BNIP2: variants seen among roughly 807,000 people sequenced by gnomAD.
The protein encoded by BNIP2 is BCL2 interacting protein 2.
Under a neutral mutation model 43.4 loss-of-function variants are expected in BNIP2, and 36 were observed. That is an observed-to-expected ratio of 0.83 (90% CI 0.64 to 1.10). BNIP2 has a LOEUF of 1.10. Among genes scored for constraint, BNIP2 ranks in the 50% least tolerant of loss-of-function variants. The pLI, the probability that BNIP2 is intolerant of heterozygous loss-of-function variation, is 0.00. For missense variants in BNIP2, 417 were observed against 374.1 expected, an observed-to-expected ratio of 1.11 and a Z score of -0.95; for synonymous variants, 146 against 121.0, an observed-to-expected ratio of 1.21 and a Z score of -1.35.
chr15:59,674,382 T>C (rs1235522577), intron 5 of BNIP2, among the ~76,000 whole-genome samples: 4 of 152,198 alleles, frequency 2.6e-5, no homozygotes, highest in Admixed American at 2.6e-4. Context: ...GTGGTCTTAT[T>C]TTCCCCTATA....
intron 1 of BNIP2, among the ~76,000 whole-genome samples, chr15:59,683,720 G>C (rs1893841758): frequency 6.6e-6 from 1 of 152,198 alleles, no homozygotes; most frequent in African/African-American, 2.4e-5. Context: ...TTGGGAGGCT[G>C]AGGCAGGAGA....
Position 59,663,710 on chromosome 15 carries a change from A to C in BNIP2, c.*359T>G, listed in dbSNP as rs1344636242. 1 of 162,528 alleles carries C rather than the reference A, an allele frequency of 6.2e-6. No individual in the cohort carries two copies. Among genetic ancestry groups the C allele is most frequent in the Non-Finnish European group, 1.3e-5 (1 of 74,994 alleles). The allele number at this position is 162,528 out of a possible 1,614,324, so 10.1% of individuals were successfully genotyped here. On this transcript the variant is annotated 3_prime_UTR_variant, in exon 10 of 10. Coordinates refer to ENST00000607373, the MANE Select transcript of BNIP2 (RefSeq NM_004330.4). ...TAAAAAATATTGCTCAATGACATAA[A>C]AATATATATTATTTCTTTCCTTTGC...
chr15:59,662,594 G>C lies in BNIP2; in HGVS notation c.*1475C>G, dbSNP rs923125952. 1 of 152,218 alleles carries C rather than the reference G, an allele frequency of 6.6e-6. No individual in the cohort carries two copies. Among genetic ancestry groups the C allele is most frequent in the African/African-American group, 2.4e-5 (1 of 41,442 alleles). 9.4% of individuals were successfully genotyped at this position (152,218 alleles called of 1,614,324 possible). A position where few individuals can be genotyped will look rare whatever the true frequency, so the allele number is the denominator to read the frequency against. ...AGTTCCCTTTTGTAACAGAAGGTTT[G>C]TAAGTACATGAGAATGGTCACAGCC... On this transcript the variant is annotated 3_prime_UTR_variant, in exon 10 of 10. Coordinates refer to ENST00000607373, the MANE Select transcript of BNIP2 (RefSeq NM_004330.4).
At chr15:59,672,315 C>T (rs1892984916) in intron 6 of BNIP2, 2 of 191,486 alleles carry the variant, frequency 1.0e-5, no homozygotes, top group Non-Finnish European at 2.1e-5. Context: ...ACTCTGTCAC[C>T]CAGGGTAGAG....
intron 5 of BNIP2, 95 bp from the exon 6 acceptor site, chr15:59,672,834 T>C: frequency 1.2e-6 from 1 of 841,790 alleles, no homozygotes; most frequent in Non-Finnish European, 1.9e-6. Flanking sequence ...TAAATAAGAG[T>C]TTACTTTTCA....
intron 4 of BNIP2, chr15:59,678,498 A>T: frequency 2.8e-6 from 3 of 1,070,364 alleles, no homozygotes; most frequent in Non-Finnish European, 3.4e-6. Flanking sequence ...GTTGTTGTTG[A>T]GCACATAAAT....
At position 59,660,839 on chromosome 15, in the gene BNIP2, C is replaced by G. The variant is rs1418626875; in HGVS notation, c.*3230G>C. On this transcript the variant is annotated 3_prime_UTR_variant, in exon 10 of 10. Coordinates refer to ENST00000607373, the MANE Select transcript of BNIP2 (RefSeq NM_004330.4). The stretch of plus-strand genomic sequence containing the variant: ...AATCCTAAACTTTTAAGTGCTGTAA[C>G]TGCTAACCTTCTCTGCTCGAACTTG... The G allele has an allele frequency of 6.6e-6, 1 of 152,118 alleles. No individual in the cohort carries two copies. Among genetic ancestry groups the G allele is most frequent in the Non-Finnish European group, 1.5e-5 (1 of 68,022 alleles). 9.4% of individuals were successfully genotyped at this position (152,118 alleles called of 1,614,324 possible).
At chr15:59,668,806 A>G (rs1401173875) in intron 9 of BNIP2, 86 bp downstream of exon 9, 8 of 1,173,034 alleles carry the variant, frequency 6.8e-6, no homozygotes, top group Non-Finnish European at 9.8e-6. Flanking sequence ...AATATAATAC[A>G]TAAAGAATGA....
At chr15:59,676,873 T>C in intron 5 of BNIP2, 1 of 1,589,448 alleles carries the variant, frequency 6.3e-7, no homozygotes, top group South Asian at 1.1e-5. Context: ...TCTCGCTGCG[T>C]TCGCTCACCG....
In BNIP2 at chr15:59,679,679, A is replaced by G. The variant is rs764892121; in HGVS notation, c.208T>C (p.Leu70=). 1.9e-6 allele frequency: 3 copies of G among 1,612,176 alleles called. No individual in the cohort carries two copies. Among genetic ancestry groups the G allele is most frequent in the Admixed American group, 3.4e-5 (2 of 59,638 alleles). ...LTLDPSDGSV[L]SDDLDESGEI... is the part of the protein sequence containing the mutation. ...CCACTTTCATCCAAATCATCTGACA[A>G]TACAGAGCCATCACTAGGATCCAGT... The change falls in exon 4 of 10, where the codon TTG becomes CTG. Residue 70 remains leucine (L), a synonymous_variant. Transcript: ENST00000607373.
rs768903148 is a variant in BNIP2 at position 59,689,282 on chromosome 15, C to T, written c.-205G>A. ...CCCCGGCCCAATCCCCCGGCCGCAG[C>T]GGTACGGCGTCGGCGGCAGCAGCTG... On this transcript the variant is annotated 5_prime_UTR_variant, in exon 1 of 10. Transcript: ENST00000607373. 1.2e-5 allele frequency: 18 copies of T among 1,545,412 alleles called. No individual in the cohort carries two copies. In the East Asian group the frequency reaches 3.7e-4, roughly 32 times the overall value.
chr15:59,672,607 T>C, intron 6 of BNIP2, 30 bp downstream of exon 6: 3 of 1,470,014 alleles, frequency 2.0e-6, no homozygotes, highest in Non-Finnish European at 2.8e-6. Context: ...CACAATTCTG[T>C]CCAAATGTTT....
intron 9 of BNIP2, among the ~76,000 whole-genome samples, chr15:59,665,674 T>G (rs1176904306): frequency 2.0e-5 from 3 of 152,194 alleles, no homozygotes; most frequent in African/African-American, 7.2e-5. Context: ...ACATCAGTCA[T>G]ATCAAAATTT....
chr15:59,688,226 A>G (rs1374256759), intron 1 of BNIP2, among the ~76,000 whole-genome samples: 2 of 152,230 alleles, frequency 1.3e-5, no homozygotes, highest in Non-Finnish European at 2.9e-5. Flanking sequence ...CTGCAGGGGT[A>G]ACTTAATTGG....
intron 9 of BNIP2, chr15:59,665,534 C>G (rs567270889): frequency 1.3e-5 from 2 of 152,480 alleles, no homozygotes; most frequent in Admixed American, 6.5e-5. Context: ...TGCTTGAGCC[C>G]TGGAGACGGA....
rs6151435 is a variant in BNIP2, at chr15:59,688,785, T to C, written c.-58+350A>G. 5.3e-3 allele frequency: 8,173 copies of C among 1,535,608 alleles called. 344 individuals carry two copies. In the African/African-American group the frequency reaches 0.095, roughly 18 times the overall value. On this transcript the variant is annotated intron_variant, in intron 1 of 9. Coordinates refer to ENST00000607373, the MANE Select transcript of BNIP2 (RefSeq NM_004330.4). Reference sequence around the variant, plus strand: ...CAGGACGGACGCTGGTCATAAATACTGAACCATCGTAGCCCAGCCACTTCA... The same window carrying C: ...CAGGACGGACGCTGGTCATAAATACCGAACCATCGTAGCCCAGCCACTTCA...
chr15:59,687,175 T>C (rs1288494202), intron 1 of BNIP2, among the ~76,000 whole-genome samples: 1 of 152,112 alleles, frequency 6.6e-6, no homozygotes, highest in East Asian at 1.9e-4. Flanking sequence ...CACTTGAAAA[T>C]GCTGAGATCT....
At position 59,689,299 on chromosome 15, in the gene BNIP2, C is replaced by A. The variant is rs1431617675; in HGVS notation, c.-222G>T. On this transcript the variant is annotated 5_prime_UTR_variant, in exon 1 of 10. Coordinates refer to ENST00000607373, the MANE Select transcript of BNIP2 (RefSeq NM_004330.4). ...GGCCGCAGCGGTACGGCGTCGGCGGCAGCAGCTGACCCGGACACAGTGAGA... is the reference window on the plus strand; with the variant it reads ...GGCCGCAGCGGTACGGCGTCGGCGGAAGCAGCTGACCCGGACACAGTGAGA... The A allele has an allele frequency of 7.8e-6, 12 of 1,546,424 alleles. No homozygotes were observed. The highest frequency in any genetic ancestry group is 1.7e-4 in the Middle Eastern group (1 of 5,948).
chr15:59,677,372 A>C, intron 5 of BNIP2: 2 of 1,541,550 alleles, frequency 1.3e-6, no homozygotes, highest in Non-Finnish European at 1.8e-6. Flanking sequence ...ATGACTCTTA[A>C]GCCATAAGGG....
Sources: gnomAD v4.1 joint callset for allele counts (sites outside exome capture counted in the v4.1 genomes callset) on GRCh38, gnomAD v4.1.1 for gene constraint, MANE v1.5 for transcripts, NCBI Gene and HGNC (gene_info 2026-07-23, HGNC 2026-07-21) for gene names.